The following XRCC2 variants were observed in gnomAD, a reference collection of about 807,000 sequenced individuals.
XRCC2 encodes X-ray repair cross complementing 2, also known as DNA repair protein XRCC2.
A neutral mutation model predicts 27.3 loss-of-function variants in XRCC2; 24 were observed. That is an observed-to-expected ratio of 0.88 (90% CI 0.64 to 1.24). The LOEUF is 1.24. Ranked by LOEUF, XRCC2 falls within the 50% of genes most tolerant of loss-of-function variation. The pLI, the probability that XRCC2 is intolerant of heterozygous loss-of-function variation, is 0.00. For synonymous variants in XRCC2, 106 were observed against 115.4 expected, an observed-to-expected ratio of 0.92 and a Z score of 0.52; for missense variants, 321 against 325.8, an observed-to-expected ratio of 0.99 and a Z score of 0.11.
intron 1 of XRCC2, among the ~76,000 whole-genome samples, chr7:152,668,939 A>T (rs2117007737): frequency 6.6e-6 from 1 of 152,334 alleles, no homozygotes; most frequent in East Asian, 1.9e-4. Context: ...CACATGAGAA[A>T]ACTAGTAAAT....
chr7:152,659,648 A>G (rs1006171520), intron 2 of XRCC2, among the ~76,000 whole-genome samples: 1 of 126,164 alleles, frequency 7.9e-6, no homozygotes, highest in African/African-American at 3.3e-5. Flanking sequence ...AAGACAGACA[A>G]TAACAATTAT....
At chr7:152,654,277 A>T (rs2098029830) in intron 2 of XRCC2, among the ~76,000 whole-genome samples, 1 of 152,062 alleles carries the variant, frequency 6.6e-6, no homozygotes, top group Non-Finnish European at 1.5e-5. Context: ...TCCACACAGA[A>T]ATAATAGAGA....
intron 1 of XRCC2, among the ~76,000 whole-genome samples, 185 bp downstream of exon 1, chr7:152,675,856 C>T (rs1381698168): frequency 1.3e-5 from 2 of 152,088 alleles, no homozygotes; most frequent in African/African-American, 2.4e-5. Context: ...AGGGGCGGAC[C>T]CCTGGGGCCC....
chr7:152,653,971 G>A (rs1417003974), intron 2 of XRCC2, among the ~76,000 whole-genome samples: 1 of 152,084 alleles, frequency 6.6e-6, no homozygotes, highest in Non-Finnish European at 1.5e-5. Flanking sequence ...TGAGGCAGGT[G>A]GATCACCTGA....
intron 1 of XRCC2, among the ~76,000 whole-genome samples, chr7:152,672,806 G>GA (rs922736710): frequency 3.4e-4 from 52 of 151,798 alleles, no homozygotes; most frequent in Non-Finnish European, 4.7e-4. Flanking sequence ...GTTTTTTAAA[G>GA]AAAAAAAACA....
At chr7:152,661,944 A>G (rs1170932967) in intron 1 of XRCC2, among the ~76,000 whole-genome samples, 1 of 152,178 alleles carries the variant, frequency 6.6e-6, no homozygotes, top group African/African-American at 2.4e-5. Context: ...AATATGTGAA[A>G]AGAGTACCTG....
At chr7:152,662,388 CATGACGG>C (rs1313782563) in intron 1 of XRCC2, among the ~76,000 whole-genome samples, 9 of 151,116 alleles carry the variant, frequency 6.0e-5, no homozygotes, top group Non-Finnish European at 1.0e-4. Context: ...GTGTCTGCAC[CATGACGG>C]AAGTCATTAG....
intron 1 of XRCC2, among the ~76,000 whole-genome samples, chr7:152,671,685 G>A (rs1187856186): frequency 1.3e-5 from 2 of 152,164 alleles, no homozygotes; most frequent in African/African-American, 4.8e-5. Flanking sequence ...GTTTTGTAGT[G>A]AGAAAGTGAA....
At chr7:152,662,125 C>A (rs1489713989) in intron 1 of XRCC2, among the ~76,000 whole-genome samples, 1 of 152,028 alleles carries the variant, frequency 6.6e-6, no homozygotes, top group Non-Finnish European at 1.5e-5. Flanking sequence ...CCACCACGCC[C>A]GGCTAATTTT....
Position 152,645,724 on chromosome 7 carries a change from T to C in XRCC2, c.*2918A>G, listed in dbSNP as rs983523579. On this transcript the variant is annotated 3_prime_UTR_variant, in exon 3 of 3. Coordinates refer to ENST00000359321, the MANE Select transcript of XRCC2 (RefSeq NM_005431.2). ...TCTAATATTTCACTATTAACTAATG[T>C]TTACTGAGGGATTTTTGTATATACC... The C allele has an allele frequency of 3.3e-5, 5 of 152,156 alleles. No individual in the cohort carries two copies. Among genetic ancestry groups the C allele is most frequent in the Admixed American group, 2.6e-4 (4 of 15,268 alleles). The allele number at this position is 152,156 out of a possible 1,614,324, so 9.4% of individuals were successfully genotyped here. A position where few individuals can be genotyped will look rare whatever the true frequency, so the allele number is the denominator to read the frequency against.
intron 1 of XRCC2, among the ~76,000 whole-genome samples, chr7:152,669,595 G>A (rs942506803): frequency 1.3e-5 from 2 of 151,824 alleles, no homozygotes; most frequent in African/African-American, 2.4e-5. Context: ...TAGAGACGGA[G>A]TTTCACCATG....
Position 152,645,957 on chromosome 7 carries a change from A to G in XRCC2, c.*2685T>C, listed in dbSNP as rs2098025643. 6.6e-6 allele frequency: 1 copy of G among 152,108 alleles called. No homozygotes were observed. Among genetic ancestry groups the G allele is most frequent in the Non-Finnish European group, 1.5e-5 (1 of 68,028 alleles). The allele number at this position is 152,108 out of a possible 1,614,324, so 9.4% of individuals were successfully genotyped here. On this transcript the variant is annotated 3_prime_UTR_variant, in exon 3 of 3. Coordinates refer to ENST00000359321, the MANE Select transcript of XRCC2 (RefSeq NM_005431.2). ...TATGTATTTTAAAAACCAGCCTAAAACTGTCATTTTAACTGGAGTCCTCAG... is the reference window on the plus strand; with the variant it reads ...TATGTATTTTAAAAACCAGCCTAAAGCTGTCATTTTAACTGGAGTCCTCAG...
At chr7:152,671,201 T>G (rs1004367556) in intron 1 of XRCC2, among the ~76,000 whole-genome samples, 1 of 151,916 alleles carries the variant, frequency 6.6e-6, no homozygotes, top group Non-Finnish European at 1.5e-5. Flanking sequence ...GGCGACAGAG[T>G]AAGACTGTCT....
chr7:152,651,020 ACTTTCG>A (rs2098028307), intron 2 of XRCC2, among the ~76,000 whole-genome samples: 3 of 151,966 alleles, frequency 2.0e-5, no homozygotes, highest in Non-Finnish European at 4.4e-5. Context: ...GCTTACTGCA[ACTTTCG>A]CCTCCTGGGT....
intron 1 of XRCC2, among the ~76,000 whole-genome samples, chr7:152,668,145 C>T (rs1643017003): frequency 6.6e-6 from 1 of 151,956 alleles, no homozygotes; most frequent in African/African-American, 2.4e-5. Flanking sequence ...AACTATTAAA[C>T]AGAAACTTCT....
intron 1 of XRCC2, among the ~76,000 whole-genome samples, chr7:152,673,534 C>T (rs981502583): frequency 1.3e-5 from 2 of 151,968 alleles, no homozygotes; most frequent in African/African-American, 4.8e-5. Flanking sequence ...TTGATACTCA[C>T]AAGAAAGATT....
chr7:152,674,739 A>ATTTTT (rs1590140190), intron 1 of XRCC2, among the ~76,000 whole-genome samples: 1 of 3,550 alleles, frequency 2.8e-4, no homozygotes, highest in Non-Finnish European at 7.7e-4. Context: ...TATTATATAT[A>ATTTTT]AATATATTTT....
At position 152,648,741 on chromosome 7, in the gene XRCC2, T is replaced by G. The variant is rs750589771; in HGVS notation, c.744A>C (p.Gln248His). 5.0e-6 allele frequency: 8 copies of G among 1,614,116 alleles called. No homozygotes were observed. Among genetic ancestry groups the G allele is most frequent in the Non-Finnish European group, 6.8e-6 (8 of 1,180,020 alleles). ...AAACTAATGAAAATTGGTTGCTGCT[T>G]TGAGAATCATCTTGTTTGGAGAAAA... Reference protein sequence around the residue: ...RMFFSKQDDSQSSNQFSLVSR... With the variant: ...RMFFSKQDDSHSSNQFSLVSR... Residue 248 changes from glutamine (Q) to histidine (H), a missense_variant, in exon 3 of 3, where the codon CAA becomes CAC. Transcript: ENST00000359321.
At chr7:152,663,943 C>T (rs2098034489) in intron 1 of XRCC2, 1 of 152,042 alleles carries the variant, frequency 6.6e-6, no homozygotes, top group African/African-American at 2.4e-5. Context: ...GTTAGGCCAA[C>T]CTGGAAGTGC....
Sources: allele counts gnomAD v4.1 joint callset (sites outside exome capture counted in the v4.1 genomes callset), GRCh38; gene constraint gnomAD v4.1.1; transcripts MANE v1.5; gene names NCBI Gene and HGNC (gene_info 2026-07-23, HGNC 2026-07-21).